Variants in ROBO2 observed in about 807,000 individuals in gnomAD.
ROBO2 encodes the protein roundabout homolog 2.
ROBO2 carries 53 observed loss-of-function variants against 160.8 expected under a neutral mutation model. The ratio of observed to expected loss-of-function variants is 0.33; its 90% CI spans 0.26 to 0.41. ROBO2 has a LOEUF of 0.41. ROBO2 is among the 10% of genes least tolerant of loss of function. The probability of loss-of-function intolerance (pLI) is 1.00; values close to 1 mark genes in which losing one functional copy is unlikely to be tolerated. For missense variants in ROBO2, 1,577 were observed against 1,722.4 expected, an observed-to-expected ratio of 0.92 and a Z score of 1.49; for synonymous variants, 664 against 611.7, an observed-to-expected ratio of 1.09 and a Z score of -1.26.
chr3:76,410,804 C>T (rs940017826), intron 2 of ROBO2, among the ~76,000 whole-genome samples: 2 of 152,124 alleles, frequency 1.3e-5, no homozygotes, highest in Non-Finnish European at 2.9e-5. Flanking sequence ...TAGCAATCTT[C>T]ACTCTGTAAC....
At chr3:76,562,527 G>A (rs769239294) in intron 2 of ROBO2, among the ~76,000 whole-genome samples, 28 of 149,672 alleles carry the variant, frequency 1.9e-4, no homozygotes, top group Admixed American at 1.1e-3. Context: ...GACTCCCTTC[G>A]GTCAGAGCCC....
intron 5 of ROBO2, among the ~76,000 whole-genome samples, chr3:77,498,789 G>A (rs546757882): frequency 6.6e-6 from 1 of 152,224 alleles, no homozygotes; most frequent in Non-Finnish European, 1.5e-5. Flanking sequence ...TTCACATACA[G>A]TGTATGCATC....
chr3:76,513,786 A>G (rs2081219795), intron 2 of ROBO2, among the ~76,000 whole-genome samples: 3 of 152,122 alleles, frequency 2.0e-5, no homozygotes, highest in African/African-American at 7.2e-5. Flanking sequence ...GACTATCCCA[A>G]TCTTATTTCA....
chr3:75,999,644 A>G (rs2065827271), intron 2 of ROBO2, among the ~76,000 whole-genome samples: 1 of 152,162 alleles, frequency 6.6e-6, no homozygotes, highest in African/African-American at 2.4e-5. Flanking sequence ...TTATTATTTT[A>G]TTCTATTTTA....
At chr3:76,710,404 C>T (rs778224806) in intron 2 of ROBO2, among the ~76,000 whole-genome samples, 1 of 152,186 alleles carries the variant, frequency 6.6e-6, no homozygotes, top group Non-Finnish European at 1.5e-5. Flanking sequence ...CAGGTGTGAG[C>T]CACTGCGTCC....
At chr3:76,852,301 G>T (rs556223322) in intron 2 of ROBO2, among the ~76,000 whole-genome samples, 1 of 152,206 alleles carries the variant, frequency 6.6e-6, no homozygotes, top group South Asian at 2.1e-4. Flanking sequence ...TGGCATATTT[G>T]CTTCTATTAA....
intron 2 of ROBO2, among the ~76,000 whole-genome samples, chr3:77,338,456 T>G (rs768432757): frequency 3.3e-5 from 5 of 152,126 alleles, no homozygotes; most frequent in Admixed American, 6.6e-5. Context: ...AAGCTTATGT[T>G]TATCTGACAA....
At chr3:76,762,688 A>T (rs2061373399) in intron 2 of ROBO2, among the ~76,000 whole-genome samples, 1 of 151,668 alleles carries the variant, frequency 6.6e-6, no homozygotes, top group Admixed American at 6.6e-5. Flanking sequence ...AAAGTTGTTT[A>T]TTCTCAGAAC....
chr3:77,578,088 T>A (rs1184947436), intron 15 of ROBO2, among the ~76,000 whole-genome samples: 1 of 151,988 alleles, frequency 6.6e-6, no homozygotes, highest in South Asian at 2.1e-4. Context: ...TTATTGAGGT[T>A]GTGTAGAATA....
chr3:76,886,727 G>A (rs1189520263), intron 2 of ROBO2, among the ~76,000 whole-genome samples: 5 of 152,016 alleles, frequency 3.3e-5, no homozygotes, highest in East Asian at 1.9e-4. Context: ...TTGCATTCAC[G>A]AAACTGGATT....
chr3:77,183,511 A>G (rs952840412), intron 2 of ROBO2, among the ~76,000 whole-genome samples: 3 of 152,020 alleles, frequency 2.0e-5, no homozygotes, highest in African/African-American at 4.8e-5. Flanking sequence ...CACACAGTGG[A>G]AAGACCATGT....
At chr3:77,618,643 A>G (rs2094833360) in intron 22 of ROBO2, among the ~76,000 whole-genome samples, 1 of 151,998 alleles carries the variant, frequency 6.6e-6, no homozygotes, top group Non-Finnish European at 1.5e-5. Context: ...AAATTGTTCT[A>G]GTCATGGGGA....
chr3:76,509,609 C>T lies in ROBO2; in HGVS notation c.109+572007C>T, dbSNP rs545843712. Among the ~76,000 whole-genome samples, 5 of 152,220 alleles carry T rather than the reference C, an allele frequency of 3.3e-5. 1 individual carries two copies. The highest frequency in any genetic ancestry group is 2.6e-4 in the Admixed American group (4 of 15,286). On this transcript the variant is annotated intron_variant, in intron 2 of 26. Transcript: ENST00000487694. Reference sequence around the variant, plus strand: ...AGTGGAAAGTGGAACAAGAGACATTCGGCCTAGTGTTGAGGCAACGCTTTC... The same window carrying T: ...AGTGGAAAGTGGAACAAGAGACATTTGGCCTAGTGTTGAGGCAACGCTTTC...
At chr3:76,238,236 A>T (rs564829569) in intron 2 of ROBO2, among the ~76,000 whole-genome samples, 1 of 152,168 alleles carries the variant, frequency 6.6e-6, no homozygotes, top group Non-Finnish European at 1.5e-5. Context: ...CTTATAAAGG[A>T]AAGAGGTTTA....
At chr3:76,130,329 T>A (rs1576981943) in intron 2 of ROBO2, among the ~76,000 whole-genome samples, 1 of 152,264 alleles carries the variant, frequency 6.6e-6, no homozygotes, top group East Asian at 1.9e-4. Flanking sequence ...AACAATACAA[T>A]GCTTTTGTTT....
chr3:77,270,068 C>G (rs928780543), intron 2 of ROBO2, among the ~76,000 whole-genome samples: 9 of 152,128 alleles, frequency 5.9e-5, no homozygotes, highest in Admixed American at 4.6e-4. Context: ...CCTTCATTTA[C>G]TCTATGTTTC....
intron 2 of ROBO2, among the ~76,000 whole-genome samples, chr3:76,489,853 T>A (rs2107504292): frequency 6.6e-6 from 1 of 152,164 alleles, no homozygotes; most frequent in South Asian, 2.1e-4. Flanking sequence ...TTGCACTTAT[T>A]GAATTATAAA....
intron 2 of ROBO2, among the ~76,000 whole-genome samples, chr3:76,412,860 C>T (rs549715683): frequency 6.6e-6 from 1 of 152,232 alleles, no homozygotes; most frequent in Non-Finnish European, 1.5e-5. Context: ...CCTCTTCTCA[C>T]AGCTGCACTA....
At chr3:76,129,116 C>G (rs17013850) in intron 2 of ROBO2, among the ~76,000 whole-genome samples, 3,137 of 151,456 alleles carry the variant, frequency 0.021, 103 homozygotes, top group African/African-American at 0.064. Flanking sequence ...AAGTTTGGAA[C>G]TGTGATTTCC....
Sources: gnomAD v4.1 joint callset for allele counts (sites outside exome capture counted in the v4.1 genomes callset) on GRCh38, gnomAD v4.1.1 for gene constraint, MANE v1.5 for transcripts, NCBI Gene and HGNC (gene_info 2026-07-23, HGNC 2026-07-21) for gene names.